The following ENOX2 variants were observed in gnomAD, a reference collection of about 807,000 sequenced individuals.
ENOX2 encodes APK1 antigen.
A neutral mutation model predicts 45.0 loss-of-function variants in ENOX2; 36 were observed. That is an observed-to-expected ratio of 0.80 (90% confidence interval 0.61 to 1.06). The LOEUF (loss-of-function observed/expected upper bound fraction) is 1.06, where lower values mean the gene tolerates loss of function less well. ENOX2 is among the 50% of genes least tolerant of loss of function. The pLI is 0.00. For missense variants in ENOX2, 423 were observed against 462.5 expected (o/e 0.91, Z 0.78); for synonymous variants, 174 against 152.3 (o/e 1.14, Z -1.05).
intron 3 of ENOX2, among the ~76,000 whole-genome samples, chrX:130,750,452 C>A (rs2148332257): frequency 9.0e-6 from 1 of 111,709 alleles, no homozygotes; most frequent in South Asian, 3.8e-4. Context: ...CTCTGGGTGT[C>A]TGCATGTATT....
rs747256488 is a variant in ENOX2 at position 130,865,775 on chromosome X, C to T, written c.-183+35909G>A. Among the ~76,000 whole-genome samples, 6 of 111,426 alleles carry T rather than the reference C, an allele frequency of 5.4e-5. No individual in the cohort carries two copies. In the South Asian group the frequency reaches 2.3e-3, roughly 42 times the overall value. ...AAACTATGTCTTCCATTGGCTTCTG[C>T]AATCTGATAGGATTCTGTTCTAATA... On this transcript the variant is annotated intron_variant, in intron 2 of 14. Coordinates refer to ENST00000394363, the MANE Select transcript of ENOX2 (RefSeq NM_006375.4).
chrX:130,687,945 C>T (rs1049376765), intron 5 of ENOX2, among the ~76,000 whole-genome samples: 1 of 111,861 alleles, frequency 8.9e-6, no homozygotes, highest in Non-Finnish European at 1.9e-5. Context: ...TCTGAAGTCA[C>T]ATGTCAAAGA....
intron 3 of ENOX2, among the ~76,000 whole-genome samples, chrX:130,748,860 C>A (rs2039153833): frequency 9.0e-6 from 1 of 111,443 alleles, no homozygotes; most frequent in African/African-American, 3.3e-5. Context: ...CTCTATGAAG[C>A]AGGCTGGGGA....
rs767531118 is a variant in ENOX2, at chrX:130,749,576, G to A, written c.-39+33971C>T. On this transcript the variant is annotated intron_variant, in intron 3 of 14. Transcript: ENST00000394363. Reference sequence around the variant, plus strand: ...ATGGGCCATGGGATATTTCCAAAAAGCAATGATGTTCAGACTCAGTCCCCT... The same window carrying A: ...ATGGGCCATGGGATATTTCCAAAAAACAATGATGTTCAGACTCAGTCCCCT... Among the ~76,000 whole-genome samples the A allele has an allele frequency of 3.6e-5, 4 of 110,989 alleles. No individual in the cohort carries two copies. In the East Asian group the frequency reaches 1.1e-3, roughly 32 times the overall value.
chrX:130,854,674 G>GA lies in ENOX2; in HGVS notation c.-183+47009dup, dbSNP rs1004688124. On this transcript the variant is annotated intron_variant, in intron 2 of 14. Transcript: ENST00000394363. ...AGAGAAACAACACATTTACCTATAA[G>GA]AAAAAAAAAATTAGAATGATAGCAG... Among the ~76,000 whole-genome samples the GA allele has an allele frequency of 1.1e-4, 12 of 106,831 alleles. No individual in the cohort carries two copies. The South Asian group carries it at 1.2e-3, about 10-fold the overall frequency. The allele number at this position is 106,831 out of a possible 115,157, so 92.8% of individuals were successfully genotyped here.
intron 2 of ENOX2, among the ~76,000 whole-genome samples, chrX:130,895,322 C>G (rs2148595364): frequency 9.0e-6 from 1 of 111,600 alleles, no homozygotes; most frequent in African/African-American, 3.3e-5. Flanking sequence ...GAGGACCTGA[C>G]TGAAGAAAAG....
At chrX:130,802,847 G>C (rs1034805416) in intron 2 of ENOX2, among the ~76,000 whole-genome samples, 2 of 112,528 alleles carry the variant, frequency 1.8e-5, no homozygotes, top group African/African-American at 6.4e-5. Flanking sequence ...TTCTGGACAA[G>C]AGACTTCTTT....
intron 2 of ENOX2, among the ~76,000 whole-genome samples, chrX:130,832,680 C>T (rs899138716): frequency 9.0e-6 from 1 of 110,970 alleles, no homozygotes; most frequent in Non-Finnish European, 1.9e-5. Context: ...ATTTCCTGTA[C>T]TAGTTTCACA....
intron 3 of ENOX2, among the ~76,000 whole-genome samples, chrX:130,708,971 A>G (rs1489109394): frequency 8.9e-6 from 1 of 112,460 alleles, no homozygotes; most frequent in Non-Finnish European, 1.9e-5. Context: ...ACTTCAAGGA[A>G]GATAAATCTG....
At chrX:130,739,943 C>T (rs1466537540) in intron 3 of ENOX2, among the ~76,000 whole-genome samples, 1 of 112,170 alleles carries the variant, frequency 8.9e-6, no homozygotes, top group African/African-American at 3.2e-5. Context: ...GGAATGGGAT[C>T]GGTGGCTAGG....
chrX:130,729,509 A>AT (rs981094149), intron 3 of ENOX2, among the ~76,000 whole-genome samples: 6 of 110,937 alleles, frequency 5.4e-5, no homozygotes, highest in African/African-American at 2.0e-4. Context: ...TACCGTGACT[A>AT]TTTTTTTTGC....
At chrX:130,737,456 GCACACA>G (rs112463994) in intron 3 of ENOX2, among the ~76,000 whole-genome samples, 4 of 107,232 alleles carry the variant, frequency 3.7e-5, no homozygotes, top group South Asian at 3.9e-4. Context: ...GCGTGCGCAC[GCACACA>G]CACACACACA....
intron 2 of ENOX2, among the ~76,000 whole-genome samples, chrX:130,796,167 G>C (rs1262788747): frequency 9.0e-6 from 1 of 110,965 alleles, no homozygotes. Context: ...AACTCAGACA[G>C]TGGCAGTGGG....
chrX:130,781,092 A>G (rs947634005), intron 3 of ENOX2, among the ~76,000 whole-genome samples: 2 of 112,122 alleles, frequency 1.8e-5, no homozygotes, highest in African/African-American at 3.2e-5. Flanking sequence ...CCTATTTACA[A>G]TATCACAAGA....
At chrX:130,641,534 T>C (rs1317538647) in intron 10 of ENOX2, among the ~76,000 whole-genome samples, 8 of 109,756 alleles carry the variant, frequency 7.3e-5, no homozygotes, top group Non-Finnish European at 1.3e-4. Context: ...CTGGCCAACA[T>C]GGTGAAACCC....
intron 2 of ENOX2, among the ~76,000 whole-genome samples, chrX:130,869,476 A>G (rs917900912): frequency 9.0e-6 from 1 of 111,498 alleles, no homozygotes; most frequent in African/African-American, 3.3e-5. Flanking sequence ...TCCAGCTACC[A>G]AACTCATGAG....
In ENOX2 at chrX:130,696,715, C is replaced by A. The variant is rs182435597; in HGVS notation, c.97+6405G>T. 4.4e-3 allele frequency among the ~76,000 whole-genome samples: 486 copies of A among 111,624 alleles called. 2 individuals carry two copies. Among genetic ancestry groups the A allele is most frequent in the Non-Finnish European group, 7.6e-3 (403 of 53,016 alleles). ...TTAGTGTGCTCCCCTATATATGAAACTTCCTGTGAAAAATTTCTTTCAGAA... is the reference window on the plus strand; with the variant it reads ...TTAGTGTGCTCCCCTATATATGAAAATTCCTGTGAAAAATTTCTTTCAGAA... On this transcript the variant is annotated intron_variant, in intron 4 of 14. Transcript: ENST00000394363.
intron 3 of ENOX2, among the ~76,000 whole-genome samples, chrX:130,782,127 T>C (rs1271532498): frequency 8.9e-6 from 1 of 111,759 alleles, no homozygotes; most frequent in Non-Finnish European, 1.9e-5. Flanking sequence ...TACACACATA[T>C]GGTTTATACT....
At chrX:130,864,734 C>T (rs1199920550) in intron 2 of ENOX2, among the ~76,000 whole-genome samples, 1 of 112,168 alleles carries the variant, frequency 8.9e-6, no homozygotes, top group Non-Finnish European at 1.9e-5. Context: ...AATCTTTTGG[C>T]TGGGCATGGT....
Sources: allele counts gnomAD v4.1 joint callset (sites outside exome capture counted in the v4.1 genomes callset), GRCh38; gene constraint gnomAD v4.1.1; transcripts MANE v1.5; gene names NCBI Gene and HGNC (gene_info 2026-07-23, HGNC 2026-07-21).